SUCLG2: variants seen among roughly 807,000 people sequenced by gnomAD.
SUCLG2 encodes succinate-CoA ligase GDP-forming subunit beta.
Under a neutral mutation model 47.9 loss-of-function variants are expected in SUCLG2, and 42 were observed. The ratio of observed to expected loss-of-function variants is 0.88; its 90% CI spans 0.69 to 1.14. The LOEUF is 1.14. Among genes scored for constraint, SUCLG2 ranks in the 50% most tolerant of loss-of-function variants. SUCLG2 has a pLI of 0.00. For synonymous variants in SUCLG2, 195 were observed against 197.3 expected (o/e 0.99, Z 0.10); for missense variants, 571 against 525.9 (o/e 1.09, Z -0.84).
intron 2 of SUCLG2, among the ~76,000 whole-genome samples, chr3:67,554,650 A>AT (rs1559569756): frequency 6.6e-6 from 1 of 152,224 alleles, no homozygotes; most frequent in Non-Finnish European, 1.5e-5. Flanking sequence ...AAAACTTTAC[A>AT]TAAGAGAGAG....
At chr3:67,376,704 C>A (rs761797395) in intron 10 of SUCLG2, among the ~76,000 whole-genome samples, 17 of 152,120 alleles carry the variant, frequency 1.1e-4, no homozygotes, top group Non-Finnish European at 1.8e-4. Context: ...TATAAAGAGG[C>A]AAATGCTGGA....
At chr3:67,466,036 G>A (rs1045510318) in intron 9 of SUCLG2, among the ~76,000 whole-genome samples, 1 of 152,042 alleles carries the variant, frequency 6.6e-6, no homozygotes, top group African/African-American at 2.4e-5. Context: ...CAGCCCTTAC[G>A]TTGTATCTGC....
At chr3:67,373,537 T>C (rs1318608661), downstream of SUCLG2, among the ~76,000 whole-genome samples, 1 of 152,152 alleles carries the variant, frequency 6.6e-6, no homozygotes, top group Non-Finnish European at 1.5e-5. Flanking sequence ...TGTAAACTTG[T>C]CTGAGTTTTT....
At chr3:67,472,170 G>T (rs1704621462) in intron 9 of SUCLG2, among the ~76,000 whole-genome samples, 1 of 152,102 alleles carries the variant, frequency 6.6e-6, no homozygotes, top group Non-Finnish European at 1.5e-5. Flanking sequence ...TTCTTTCTTG[G>T]ACTCTAATTT....
At chr3:67,467,397 TAG>T (rs1275602035) in intron 9 of SUCLG2, among the ~76,000 whole-genome samples, 1 of 152,192 alleles carries the variant, frequency 6.6e-6, no homozygotes, top group Non-Finnish European at 1.5e-5. Context: ...GCTTAATCTC[TAG>T]AGAGAACAAC....
chr3:67,499,672 A>G (rs1310982183), intron 7 of SUCLG2, among the ~76,000 whole-genome samples: 1 of 152,092 alleles, frequency 6.6e-6, no homozygotes, highest in Non-Finnish European at 1.5e-5. Flanking sequence ...CTCTTAGTGT[A>G]GAAATTAGTG....
At chr3:67,635,826 G>C (rs191301127) in intron 1 of SUCLG2, among the ~76,000 whole-genome samples, 1 of 152,174 alleles carries the variant, frequency 6.6e-6, no homozygotes, top group Non-Finnish European at 1.5e-5. Context: ...CAGGCCTTTT[G>C]TTTCCCATTT....
intron 2 of SUCLG2, among the ~76,000 whole-genome samples, chr3:67,547,704 A>C (rs1366997440): frequency 1.3e-5 from 2 of 152,202 alleles, no homozygotes; most frequent in East Asian, 3.9e-4. Context: ...GCCTTATGCA[A>C]AGGGAACAAT....
At chr3:67,493,349 C>T (rs1052459670) in intron 9 of SUCLG2, among the ~76,000 whole-genome samples, 3 of 152,108 alleles carry the variant, frequency 2.0e-5, no homozygotes. Flanking sequence ...CCTGATATAG[C>T]ATGAGAAAAA....
intron 9 of SUCLG2, among the ~76,000 whole-genome samples, chr3:67,483,590 T>C (rs1006776466): frequency 1.3e-5 from 2 of 152,246 alleles, no homozygotes; most frequent in Non-Finnish European, 2.9e-5. Flanking sequence ...CTCTTTAAAA[T>C]GGCACCTCCA....
At chr3:67,595,681 T>G (rs1455394737) in intron 2 of SUCLG2, among the ~76,000 whole-genome samples, 1 of 152,176 alleles carries the variant, frequency 6.6e-6, no homozygotes, top group Non-Finnish European at 1.5e-5. Context: ...AGATGATTAT[T>G]TTATAAACTA....
intron 10 of SUCLG2, among the ~76,000 whole-genome samples, chr3:67,389,019 G>T (rs1702319234): frequency 6.6e-6 from 1 of 152,058 alleles, no homozygotes; most frequent in South Asian, 2.1e-4. Flanking sequence ...TAGATCAGAA[G>T]GATGTCCTGG....
At chr3:67,519,768 G>A (rs1188837457) in intron 5 of SUCLG2, among the ~76,000 whole-genome samples, 1 of 152,132 alleles carries the variant, frequency 6.6e-6, no homozygotes, top group African/African-American at 2.4e-5. Context: ...GAAAACTTAT[G>A]TTTTTCTCCT....
At chr3:67,610,223 TTGTGTGTTTAACGAGATTATC>T (rs1283825908) in intron 1 of SUCLG2, among the ~76,000 whole-genome samples, 2 of 152,208 alleles carry the variant, frequency 1.3e-5, no homozygotes, top group African/African-American at 4.8e-5. Context: ...GGTAGGGCCA[TTGTGTGTTTAACGAGATTATC>T]TCTTTCATCC....
At chr3:67,554,039 A>G (rs1239538322) in intron 2 of SUCLG2, among the ~76,000 whole-genome samples, 1 of 152,194 alleles carries the variant, frequency 6.6e-6, no homozygotes, top group East Asian at 1.9e-4. Flanking sequence ...ATCCCATGTC[A>G]TAGACAAGGT....
At chr3:67,360,814 TA>T (rs758835466) in intron 10 of SUCLG2, 56 of 1,429,908 alleles carry the variant, frequency 3.9e-5, no homozygotes, top group Non-Finnish European at 3.7e-6. Context: ...TCTTGCAATA[TA>T]TTTAGATGAA....
chr3:67,571,229 G>T (rs77066841), intron 2 of SUCLG2, among the ~76,000 whole-genome samples: 3,139 of 152,192 alleles, frequency 0.021, 99 homozygotes, highest in African/African-American at 0.071. Context: ...TTACAACTGG[G>T]GGATGCTACT....
At chr3:67,487,502 A>ACACACACACC (rs1351806089) in intron 9 of SUCLG2, among the ~76,000 whole-genome samples, 4 of 151,286 alleles carry the variant, frequency 2.6e-5, no homozygotes, top group Non-Finnish European at 5.9e-5. Flanking sequence ...ACACATATAC[A>ACACACACACC]CACACACACA....
chr3:67,587,690 GT>G (rs1416527936), intron 2 of SUCLG2, among the ~76,000 whole-genome samples: 21 of 152,100 alleles, frequency 1.4e-4, no homozygotes, highest in African/African-American at 5.1e-4. Context: ...AAAAAAATAA[GT>G]TTTTTAATTG....
Sources: gnomAD v4.1 joint callset for allele counts (sites outside exome capture counted in the v4.1 genomes callset) on GRCh38, gnomAD v4.1.1 for gene constraint, MANE v1.5 for transcripts, NCBI Gene and HGNC (gene_info 2026-07-23, HGNC 2026-07-21) for gene names.